AVEN: variants seen among roughly 807,000 people sequenced by gnomAD.
AVEN encodes the protein apoptosis and caspase activation inhibitor.
In AVEN, 41 loss-of-function variants were observed where a neutral mutation model predicts 38.1. That is an observed-to-expected ratio of 1.08 (90% CI 0.84 to 1.40). The LOEUF (loss-of-function observed/expected upper bound fraction) is 1.40, where lower values mean the gene tolerates loss of function less well. Ranked by LOEUF, AVEN falls within the 40% of genes most tolerant of loss-of-function variation. AVEN has a pLI of 0.00. For missense variants in AVEN, 605 were observed against 438.8 expected (o/e 1.38, Z -3.38); for synonymous variants, 206 against 171.8 (o/e 1.20, Z -1.56).
chr15:34,006,759 A>T (rs910666303), intron 1 of AVEN, among the ~76,000 whole-genome samples: 3 of 152,264 alleles, frequency 2.0e-5, no homozygotes, highest in Admixed American at 6.5e-5. Context: ...AGTTGTCATT[A>T]GCCTTCATTC....
intron 2 of AVEN, among the ~76,000 whole-genome samples, chr15:33,883,092 C>G (rs1040408771): frequency 1.3e-5 from 2 of 152,182 alleles, no homozygotes; most frequent in Non-Finnish European, 2.9e-5. Context: ...CTTACCTAGT[C>G]AGTTACTATT....
exon 12 of AVEN, chr15:33,858,814 G>C (rs1347422395): frequency 6.6e-6 from 1 of 152,242 alleles, no homozygotes; most frequent in Non-Finnish European, 1.5e-5. Context: ...CTGTGTCTCA[G>C]GGACAGGGGA....
Position 33,907,442 on chromosome 15 carries a change from T to C in AVEN, c.446-31447A>G, listed in dbSNP as rs568567207. 2.8e-4 allele frequency among the ~76,000 whole-genome samples: 42 copies of C among 152,248 alleles called. No individual in the cohort carries two copies. In the Middle Eastern group the frequency reaches 0.01, roughly 37 times the overall value. On this transcript the variant is annotated intron_variant, in intron 2 of 5. Coordinates refer to ENST00000306730, the MANE Select transcript of AVEN (RefSeq NM_020371.3). ...GGGATTATGCTTTTTGAATGAGACA[T>C]TGTTTCTAAGGGACATTGCCAGCCT...
intron 1 of AVEN, among the ~76,000 whole-genome samples, chr15:34,027,807 C>A (rs555005683): frequency 1.6e-5 from 2 of 126,596 alleles, no homozygotes; most frequent in Admixed American, 8.8e-5. Context: ...CTACCTGAGG[C>A]AAGGATCAGG....
upstream of AVEN, among the ~76,000 whole-genome samples, chr15:34,040,584 T>G (rs1190032484): frequency 6.6e-6 from 1 of 152,206 alleles, no homozygotes; most frequent in Non-Finnish European, 1.5e-5. Flanking sequence ...TAGTGTTGTC[T>G]CCATTTTACA....
At chr15:34,048,593 T>A (rs572933576) in intron 5 of AVEN, among the ~76,000 whole-genome samples, 1 of 152,322 alleles carries the variant, frequency 6.6e-6, no homozygotes, top group South Asian at 2.1e-4. Context: ...CCGCCATCTC[T>A]ACAGTTTGGT....
At chr15:33,961,778 ACTCCAGCCTGGG>A (rs1283507663) in intron 2 of AVEN, among the ~76,000 whole-genome samples, 1 of 126,238 alleles carries the variant, frequency 7.9e-6, no homozygotes, top group African/African-American at 3.0e-5. Flanking sequence ...GCGCCACTGC[ACTCCAGCCTGGG>A]CGACAGAGTG....
chr15:34,012,859 G>A (rs985613142), intron 1 of AVEN, among the ~76,000 whole-genome samples: 2 of 152,138 alleles, frequency 1.3e-5, no homozygotes, highest in African/African-American at 4.8e-5. Context: ...CTACGGCTAG[G>A]TTCTGGGGTT....
At chr15:33,985,786 G>A (rs646339) in intron 2 of AVEN, among the ~76,000 whole-genome samples, 142,159 of 152,088 alleles carry the variant, frequency 0.93, 67,040 homozygotes, top group Non-Finnish European at 1. Flanking sequence ...GGCCATGTAC[G>A]CAGTCACTTA....
chr15:34,075,181 CAAAAAAAAAAAA>C (rs58860397), upstream of AVEN, among the ~76,000 whole-genome samples: 3 of 67,290 alleles, frequency 4.5e-5, no homozygotes, highest in South Asian at 1.7e-3. Flanking sequence ...GACTCTGGCT[CAAAAAAAAAAAA>C]AAAAAAAAAA....
chr15:34,019,771 T>C (rs912500457), intron 1 of AVEN, among the ~76,000 whole-genome samples: 1 of 152,206 alleles, frequency 6.6e-6, no homozygotes, highest in African/African-American at 2.4e-5. Flanking sequence ...CGCCTGGGTG[T>C]ACAGTAGGCT....
intron 4 of AVEN, among the ~76,000 whole-genome samples, chr15:33,870,256 T>G (rs1890882184): frequency 6.6e-6 from 1 of 152,196 alleles, no homozygotes; most frequent in Non-Finnish European, 1.5e-5. Flanking sequence ...CCTCCCCATG[T>G]GCCTCCCTCA....
At chr15:34,034,926 T>G (rs947738008) in intron 1 of AVEN, among the ~76,000 whole-genome samples, 4 of 152,220 alleles carry the variant, frequency 2.6e-5, no homozygotes, top group Admixed American at 2.6e-4. Context: ...GTCATTTCAG[T>G]TTGAGCTTTT....
In AVEN at chr15:33,859,843, T is replaced by TTAATTTAGCAAGAAC; in HGVS notation, n.2730-764_2730-750dup. The stretch of plus-strand genomic sequence containing the variant: ...AGAAGCGTGTGAATTCATTTACTTG[T>TTAATTTAGCAAGAAC]TAATTTAGCAAGAACTAATTTAGCA... On this transcript the variant is annotated intron_variant and non_coding_transcript_variant, in intron 11 of 11. Transcript: ENST00000675287. 3 of 1,200,042 alleles carry TTAATTTAGCAAGAAC rather than the reference T, an allele frequency of 2.5e-6. No individual in the cohort carries two copies. In the East Asian group the frequency reaches 7.7e-5, roughly 31 times the overall value. The allele number at this position is 1,200,042 out of a possible 1,614,324, so 74.3% of individuals were successfully genotyped here. A position where few individuals can be genotyped will look rare whatever the true frequency, so the allele number is the denominator to read the frequency against.
At chr15:33,995,889 C>CTGGAAGCGCA (rs1896912302) in intron 2 of AVEN, among the ~76,000 whole-genome samples, 1 of 152,246 alleles carries the variant, frequency 6.6e-6, no homozygotes, top group Non-Finnish European at 1.5e-5. Context: ...CTGCCTCACC[C>CTGGAAGCGCA]TGGAAGCGCA....
At chr15:33,927,845 A>T (rs1893684040) in intron 2 of AVEN, among the ~76,000 whole-genome samples, 1 of 152,074 alleles carries the variant, frequency 6.6e-6, no homozygotes, top group South Asian at 2.1e-4. Context: ...GATAAGGGGA[A>T]ATTTGAGTTG....
chr15:33,894,538 C>T lies in AVEN; in HGVS notation c.446-18543G>A, dbSNP rs1175378861. On this transcript the variant is annotated intron_variant, in intron 2 of 5. Coordinates refer to ENST00000306730, the MANE Select transcript of AVEN (RefSeq NM_020371.3). The stretch of plus-strand genomic sequence containing the variant: ...CTTAAAAAAAAAAAAAAAAAATCAT[C>T]GGCCGGGCACAGTGGCTCACTAGCA... 6.2e-5 allele frequency among the ~76,000 whole-genome samples: 9 copies of T among 145,462 alleles called. No individual in the cohort carries two copies. The East Asian group carries it at 1.6e-3, about 27-fold the overall frequency.
chr15:33,945,202 C>A (rs554338684), intron 2 of AVEN, among the ~76,000 whole-genome samples: 2 of 152,156 alleles, frequency 1.3e-5, no homozygotes, highest in Admixed American at 6.5e-5. Context: ...GGTACAACCA[C>A]AAGAGACATT....
chr15:33,916,194 C>G (rs1893130137), intron 2 of AVEN, among the ~76,000 whole-genome samples: 1 of 152,190 alleles, frequency 6.6e-6, no homozygotes, highest in Admixed American at 6.5e-5. Flanking sequence ...CTTGAAAGCA[C>G]CACCTCCTGG....
Sources: gnomAD v4.1 joint callset for allele counts (sites outside exome capture counted in the v4.1 genomes callset) on GRCh38, gnomAD v4.1.1 for gene constraint, MANE v1.5 for transcripts, NCBI Gene and HGNC (gene_info 2026-07-23, HGNC 2026-07-21) for gene names.